Variants in JARID2 observed in about 807,000 individuals in gnomAD.
JARID2 encodes protein Jumonji.
Under a neutral mutation model 125.6 loss-of-function variants are expected in JARID2, and 21 were observed. The observed-to-expected ratio is 0.17, with a 90% CI of 0.12 to 0.24. The LOEUF (loss-of-function observed/expected upper bound fraction) is 0.24. JARID2 is among the 10% of genes least tolerant of loss of function. JARID2 has a pLI of 1.00. For missense variants in JARID2, 1,303 were observed against 1,639.6 expected, an observed-to-expected ratio of 0.79 and a Z score of 3.55; for synonymous variants, 736 against 661.6, an observed-to-expected ratio of 1.11 and a Z score of -1.73.
At chr6:15,473,288 G>A (rs571323162) in intron 5 of JARID2, among the ~76,000 whole-genome samples, 9 of 152,214 alleles carry the variant, frequency 5.9e-5, no homozygotes, top group African/African-American at 1.7e-4. Context: ...TGACGTAAGC[G>A]CTCTGAAAGA....
intron 1 of JARID2, among the ~76,000 whole-genome samples, chr6:15,283,585 G>A (rs537762256): frequency 1.4e-4 from 21 of 151,530 alleles, no homozygotes; most frequent in Non-Finnish European, 2.4e-4. Flanking sequence ...CTTGTGCTCC[G>A]CCCGCCTGGG....
chr6:15,250,765 C>T (rs1759414845), intron 1 of JARID2, among the ~76,000 whole-genome samples: 2 of 152,080 alleles, frequency 1.3e-5, no homozygotes, highest in South Asian at 4.1e-4. Context: ...TAAACCAGTC[C>T]CTGTTGCTGG....
In JARID2 at chr6:15,392,039, G is replaced by GGTGTGTGTGTGTGT. The variant is rs55811028; in HGVS notation, c.181+17813_181+17826dup. ...GGCACCAGTGCAGTGATCCCAGAGT[G>GGTGTGTGTGTGTGT]GTGTGTGTGTGTGTGTGTGTGTGTG... On this transcript the variant is annotated intron_variant, in intron 2 of 17. Transcript: ENST00000341776. 8.1e-3 allele frequency among the ~76,000 whole-genome samples: 993 copies of GGTGTGTGTGTGTGT among 122,766 alleles called. 14 individuals carry two copies. Among genetic ancestry groups the GGTGTGTGTGTGTGT allele is most frequent in the African/African-American group, 0.03 (952 of 32,268 alleles). The allele number at this position is 122,766 out of a possible 152,430, so 80.5% of individuals were successfully genotyped here.
chr6:15,332,864 T>TA (rs1248675404), intron 1 of JARID2, among the ~76,000 whole-genome samples: 2 of 152,096 alleles, frequency 1.3e-5, no homozygotes, highest in African/African-American at 2.4e-5. Flanking sequence ...CTGTTATTTT[T>TA]AAAAGAATAA....
chr6:15,487,092 A>G (rs59292990), intron 5 of JARID2, among the ~76,000 whole-genome samples: 4,283 of 152,146 alleles, frequency 0.028, 214 homozygotes, highest in African/African-American at 0.096. Flanking sequence ...CTTTTAAACC[A>G]TCAGATCTCA....
At chr6:15,446,239 G>T (rs1304028423) in intron 3 of JARID2, among the ~76,000 whole-genome samples, 1 of 152,184 alleles carries the variant, frequency 6.6e-6, no homozygotes, top group Non-Finnish European at 1.5e-5. Context: ...CTCTAGACTT[G>T]GTAAGGCCTG....
At chr6:15,251,544 T>C (rs1759454685) in intron 1 of JARID2, among the ~76,000 whole-genome samples, 1 of 152,236 alleles carries the variant, frequency 6.6e-6, no homozygotes, top group Admixed American at 6.5e-5. Flanking sequence ...AGGATACAGG[T>C]CCTGGCCACC....
intron 1 of JARID2, among the ~76,000 whole-genome samples, chr6:15,265,994 A>T (rs530118165): frequency 1.9e-4 from 29 of 152,298 alleles, no homozygotes; most frequent in Admixed American, 3.3e-4. Flanking sequence ...CCTTCCTCCC[A>T]GCTGGAAAAG....
At chr6:15,338,163 G>A (rs1762943059) in intron 1 of JARID2, among the ~76,000 whole-genome samples, 1 of 152,138 alleles carries the variant, frequency 6.6e-6, no homozygotes, top group Non-Finnish European at 1.5e-5. Context: ...GCTGGCCCAG[G>A]GATAAGAAGT....
chr6:15,290,777 C>T (rs934136447), intron 1 of JARID2, among the ~76,000 whole-genome samples: 2 of 152,126 alleles, frequency 1.3e-5, no homozygotes, highest in African/African-American at 4.8e-5. Flanking sequence ...CACCGCCACG[C>T]CCAGTTAATT....
intron 13 of JARID2, among the ~76,000 whole-genome samples, chr6:15,511,789 G>C (rs566628663): frequency 3.3e-4 from 51 of 152,302 alleles, no homozygotes; most frequent in African/African-American, 8.9e-4. Flanking sequence ...GTTCTGACCA[G>C]CTTCTCTGGC....
At position 15,374,202 on chromosome 6, in the gene JARID2, A is replaced by G; in HGVS notation, c.131A>G (p.Gln44Arg). ...TCTCTGAAGGAGTTCAAGAATTCCC[A>G]GAAGAGGCAGCATGCGGAAGGCATT... ...YLSLKEFKNS[Q>R]KRQHAEGIAG... is the part of the protein sequence containing the mutation. The change falls in exon 2 of 18, where the codon CAG becomes CGG. Residue 44 changes from glutamine (Q) to arginine (R), a missense_variant. By Grantham distance (43) the Gln-to-Arg change is conservative. Coordinates refer to ENST00000341776, the MANE Select transcript of JARID2 (RefSeq NM_004973.4). 1 of 1,614,164 alleles carries G rather than the reference A, an allele frequency of 6.2e-7. No individual in the cohort carries two copies.
chr6:15,455,512 A>C (rs1199591830), intron 4 of JARID2, among the ~76,000 whole-genome samples: 1 of 152,032 alleles, frequency 6.6e-6, no homozygotes, highest in Non-Finnish European at 1.5e-5. Flanking sequence ...CTAAATATGC[A>C]TGGCTTTTAA....
At chr6:15,467,579 T>C (rs1768802658) in intron 4 of JARID2, among the ~76,000 whole-genome samples, 1 of 151,812 alleles carries the variant, frequency 6.6e-6, no homozygotes, top group East Asian at 1.9e-4. Flanking sequence ...TGGGGGCTCA[T>C]GCCTGCAGTC....
chr6:15,286,584 A>T (rs1241902492), intron 1 of JARID2, among the ~76,000 whole-genome samples: 2 of 150,606 alleles, frequency 1.3e-5, no homozygotes, highest in African/African-American at 4.9e-5. Context: ...TTGCTGGCAG[A>T]GCGTGGTGGC....
At chr6:15,418,590 A>C (rs777960124) in intron 3 of JARID2, among the ~76,000 whole-genome samples, 21 of 152,226 alleles carry the variant, frequency 1.4e-4, no homozygotes, top group Non-Finnish European at 2.5e-4. Context: ...AAGAGTTTCT[A>C]TTTAACTAGT....
intron 1 of JARID2, among the ~76,000 whole-genome samples, chr6:15,254,996 T>A (rs1479420235): frequency 1.3e-5 from 2 of 150,548 alleles, no homozygotes; most frequent in Non-Finnish European, 3.0e-5. Flanking sequence ...TGAGTGAGAC[T>A]CTGTCTCCAA....
intron 1 of JARID2, among the ~76,000 whole-genome samples, chr6:15,269,439 G>A (rs1010410221): frequency 6.6e-6 from 1 of 152,032 alleles, no homozygotes; most frequent in African/African-American, 2.4e-5. Flanking sequence ...GCTTATTACT[G>A]CATCCTTGAA....
chr6:15,246,514 T>C lies in JARID2; in HGVS notation c.-26T>C, dbSNP rs780948748. ...TAAATTCATGAAGCAATTGTCCCCT[T>C]TTGCAATCAGCATTTGGATCTCAGA... is the stretch of plus-strand genomic sequence containing the variant. On this transcript the variant is annotated 5_prime_UTR_variant, in exon 1 of 18. Transcript: ENST00000341776. 2 of 1,607,896 alleles carry C rather than the reference T, an allele frequency of 1.2e-6. No individual in the cohort carries two copies. The highest frequency in any genetic ancestry group is 1.7e-6 in the Non-Finnish European group (2 of 1,175,384).
Sources: allele counts gnomAD v4.1 joint callset (sites outside exome capture counted in the v4.1 genomes callset), GRCh38; gene constraint gnomAD v4.1.1; transcripts MANE v1.5; gene names NCBI Gene and HGNC (gene_info 2026-07-23, HGNC 2026-07-21).